The following MIOS variants were observed in gnomAD, a reference collection of about 807,000 sequenced individuals.
MIOS encodes GATOR2 complex protein MIOS.
Under a neutral mutation model 96.9 loss-of-function variants are expected in MIOS, and 52 were observed. That is an observed-to-expected ratio of 0.54 (90% confidence interval 0.43 to 0.68). The LOEUF is 0.68. Among genes scored for constraint, MIOS ranks in the 30% least tolerant of loss-of-function variants. The pLI, the probability that MIOS is intolerant of heterozygous loss-of-function variation, is 0.00. For missense variants in MIOS, 1,005 were observed against 1,052.8 expected, an observed-to-expected ratio of 0.95 and a Z score of 0.63; for synonymous variants, 397 against 359.5, an observed-to-expected ratio of 1.10 and a Z score of -1.18.
intron 6 of MIOS, among the ~76,000 whole-genome samples, chr7:7,584,193 A>T (rs552331964): frequency 6.6e-6 from 1 of 152,262 alleles, no homozygotes; most frequent in African/African-American, 2.4e-5. Flanking sequence ...GTAGTCTAAA[A>T]GTTAAAAAAG....
At chr7:7,589,626 T>C in intron 9 of MIOS, 63 bp downstream of exon 9, 1 of 1,523,156 alleles carries the variant, frequency 6.6e-7, no homozygotes, top group Non-Finnish European at 8.9e-7. Context: ...CTTTCCTCAG[T>C]TGAAAGTAAA....
intron 5 of MIOS, among the ~76,000 whole-genome samples, chr7:7,574,764 T>C (rs1471739071): frequency 2.0e-5 from 3 of 151,246 alleles, no homozygotes; most frequent in Non-Finnish European, 4.4e-5. Context: ...TATTAAAGAA[T>C]AAAAGTGACA....
chr7:7,587,811 G>C (rs1279201792), intron 7 of MIOS, among the ~76,000 whole-genome samples: 1 of 152,062 alleles, frequency 6.6e-6, no homozygotes, highest in East Asian at 1.9e-4. Flanking sequence ...GTGGAAATTG[G>C]ATCTTTTTTC....
chr7:7,582,907 T>G, intron 5 of MIOS: 1 of 537,378 alleles, frequency 1.9e-6, no homozygotes, highest in Non-Finnish European at 3.0e-6. Context: ...TTGCTCTTAT[T>G]TCAGTAGTTC....
chr7:7,575,809 C>T (rs1583626734), intron 5 of MIOS, among the ~76,000 whole-genome samples: 1 of 152,018 alleles, frequency 6.6e-6, no homozygotes. Flanking sequence ...ATAGTCTCTA[C>T]CCAGACTAAA....
Position 7,595,051 on chromosome 7 carries a change from T to A in MIOS, c.2115T>A (p.Asp705Glu), listed in dbSNP as rs1378463485. The A allele has an allele frequency of 2.5e-6, 4 of 1,613,966 alleles. No individual in the cohort carries two copies. The highest frequency in any genetic ancestry group is 3.4e-6 in the Non-Finnish European group (4 of 1,179,868). The change falls in exon 10 of 13, where the codon GAT becomes GAA. Residue 705 changes from aspartate (D) to glutamate (E), a missense_variant. Physicochemically the swap from Asp to Glu is conservative, Grantham distance 45. This residue lies in a region of MIOS where 865 missense variants were observed against 887.9 expected (regional missense o/e 0.97). Coordinates refer to ENST00000340080, the MANE Select transcript of MIOS (RefSeq NM_019005.4). The stretch of plus-strand genomic sequence containing the variant: ...TTGAGAATTATAGAAATTTATTAGA[T>A]GCCTGGAGGTTTTGGCATAAACGAG... ...YWIENYRNLL[D>E]AWRFWHKRAE...
At chr7:7,598,427 G>A (rs2086540394) in intron 11 of MIOS, among the ~76,000 whole-genome samples, 1 of 152,052 alleles carries the variant, frequency 6.6e-6, no homozygotes, top group Admixed American at 6.6e-5. Context: ...AAGAAATGAA[G>A]AGAATATGTA....
intron 11 of MIOS, among the ~76,000 whole-genome samples, chr7:7,602,589 G>A (rs1201667559): frequency 6.6e-6 from 1 of 152,080 alleles, no homozygotes; most frequent in Non-Finnish European, 1.5e-5. Context: ...ACAAACAAAT[G>A]GAAGAACATT....
rs771967070 is a variant in MIOS at position 7,573,980 on chromosome 7, TAG to T, written c.1295-115_1295-114del. On this transcript the variant is annotated intron_variant, in intron 4 of 12. Coordinates refer to ENST00000340080, the MANE Select transcript of MIOS (RefSeq NM_019005.4). This position sits in a 1 kb window ranked among gnomAD's most constrained non-coding sequence, Gnocchi z 5.0. ...GAGGAAGAAAAGTGTATCTCTGCAA[TAG>T]AGTCGAACCACCTTATTTACACTGA... is the stretch of plus-strand genomic sequence containing the variant. 7.0e-5 allele frequency: 64 copies of T among 915,314 alleles called. 1 individual carries two copies. Among genetic ancestry groups the T allele is most frequent in the South Asian group, 6.8e-4 (38 of 55,986 alleles). 56.7% of individuals were successfully genotyped at this position (915,314 alleles called of 1,614,324 possible). A position where few individuals can be genotyped will look rare whatever the true frequency, so the allele number is the denominator to read the frequency against.
At chr7:7,575,029 G>C (rs1000988021) in intron 5 of MIOS, among the ~76,000 whole-genome samples, 1 of 152,070 alleles carries the variant, frequency 6.6e-6, no homozygotes, top group Non-Finnish European at 1.5e-5. Flanking sequence ...CACTTAGAAA[G>C]TTTCAGATTT....
chr7:7,575,879 C>CTT (rs1383226318), intron 5 of MIOS, among the ~76,000 whole-genome samples: 1 of 143,214 alleles, frequency 7.0e-6, no homozygotes, highest in African/African-American at 2.5e-5. Context: ...AGGTTTTCAG[C>CTT]TTTTTTTTTT....
chr7:7,599,224 G>A (rs1784300539), intron 11 of MIOS, among the ~76,000 whole-genome samples: 1 of 152,208 alleles, frequency 6.6e-6, no homozygotes, highest in African/African-American at 2.4e-5. Context: ...TTGATGTGAG[G>A]CTATTAAGAT....
In MIOS at chr7:7,605,964, A is replaced by T; in HGVS notation, c.2424A>T (p.Lys808Asn). 1 of 1,613,780 alleles carries T rather than the reference A, an allele frequency of 6.2e-7. No individual in the cohort carries two copies. Among genetic ancestry groups the T allele is most frequent in the Non-Finnish European group, 8.5e-7 (1 of 1,179,762 alleles). ...SCPGGTKSDE[K>N]VDLSKDKKLA... ...TAGGAGGAACCAAATCAGATGAAAA[A>T]GTGGACTTGAGCAAGGACAAAAAAT... The change falls in exon 12 of 13, where the codon AAA becomes AAT. Residue 808 changes from lysine (K) to asparagine (N), a missense_variant. Around this residue, in one of 3 missense-constraint regions of MIOS, gnomAD observed 865 missense variants for 887.9 expected, o/e 0.97. Coordinates refer to ENST00000340080, the MANE Select transcript of MIOS (RefSeq NM_019005.4).
intron 6 of MIOS, 87 bp downstream of exon 6, chr7:7,583,459 T>C (rs1583636990): frequency 7.5e-7 from 1 of 1,340,716 alleles, no homozygotes; most frequent in East Asian, 2.6e-5. Context: ...CTAATAATTT[T>C]CAAATATCTA....
intron 5 of MIOS, among the ~76,000 whole-genome samples, chr7:7,579,896 T>C (rs1783656796): frequency 6.6e-6 from 1 of 152,212 alleles, no homozygotes; most frequent in Admixed American, 6.5e-5. Context: ...TCAGAATGTA[T>C]CCCTACTGTT....
chr7:7,591,901 C>T (rs1471741422), intron 9 of MIOS, among the ~76,000 whole-genome samples: 1 of 152,052 alleles, frequency 6.6e-6, no homozygotes, highest in African/African-American at 2.4e-5. Flanking sequence ...ATGTATTAAA[C>T]CACTTCATAG....
chr7:7,571,136 C>T (rs141129277), intron 3 of MIOS, among the ~76,000 whole-genome samples: 2 of 152,320 alleles, frequency 1.3e-5, no homozygotes, highest in East Asian at 3.9e-4. Flanking sequence ...CAGAGTTGTA[C>T]AGATGCCAAT....
At position 7,583,270 on chromosome 7, in the gene MIOS, G is replaced by T; in HGVS notation, c.1546G>T (p.Val516Leu). Residue 516 changes from valine to leucine, a missense_variant, in exon 6 of 13, where the codon GTA (valine) becomes TTA (leucine). By Grantham distance (32) the Val-to-Leu change is conservative. Transcript: ENST00000340080. ...VDVGPFLNSL[V>L]QEGEWERAAA... Reference sequence around the variant, plus strand: ...CGTGGGGCCATTTTTGAACTCCCTTGTACAAGAAGGGGAATGGGAAAGAGC... The same window carrying T: ...CGTGGGGCCATTTTTGAACTCCCTTTTACAAGAAGGGGAATGGGAAAGAGC... The T allele has an allele frequency of 6.2e-7, 1 of 1,614,098 alleles. No individual in the cohort carries two copies. The highest frequency in any genetic ancestry group is 1.3e-5 in the African/African-American group (1 of 75,048).
At chr7:7,574,994 G>A (rs940432908) in intron 5 of MIOS, among the ~76,000 whole-genome samples, 3 of 152,064 alleles carry the variant, frequency 2.0e-5, no homozygotes, top group African/African-American at 4.8e-5. Flanking sequence ...GCTCCGATGA[G>A]CATTTCCTTT....
Sources: allele counts gnomAD v4.1 joint callset (sites outside exome capture counted in the v4.1 genomes callset), GRCh38; gene constraint gnomAD v4.1.1; regional missense constraint gnomAD v4.1.1; non-coding constraint Gnocchi (gnomAD v3.1); transcripts MANE v1.5; gene names NCBI Gene and HGNC (gene_info 2026-07-23, HGNC 2026-07-21).